AGAP1: variants seen among roughly 807,000 people sequenced by gnomAD.
AGAP1 encodes ArfGAP with GTPase domain, ankyrin repeat and PH domain 1, also known as arf-GAP with GTPase, ANK repeat and PH domain-containing protein 1.
In AGAP1, 29 loss-of-function variants were observed where a neutral mutation model predicts 105.3. That is an observed-to-expected ratio of 0.28 (90% CI 0.21 to 0.38). The LOEUF (loss-of-function observed/expected upper bound fraction) is 0.38. AGAP1 is among the 10% of genes least tolerant of loss of function. The pLI, the probability that AGAP1 is intolerant of heterozygous loss-of-function variation, is 1.00. For missense variants in AGAP1, 998 were observed against 1,165.1 expected (o/e 0.86, Z 2.09); for synonymous variants, 509 against 485.9 (o/e 1.05, Z -0.63).
At chr2:236,066,478 G>A (rs1480810359) in intron 16 of AGAP1, among the ~76,000 whole-genome samples, 3 of 152,088 alleles carry the variant, frequency 2.0e-5, no homozygotes, top group Admixed American at 1.3e-4. Flanking sequence ...CACCCGCGTC[G>A]GCCTCCCAAA....
intron 4 of AGAP1, among the ~76,000 whole-genome samples, chr2:235,742,947 A>G (rs1305449383): frequency 6.6e-6 from 1 of 152,200 alleles, no homozygotes; most frequent in Admixed American, 6.5e-5. Flanking sequence ...CAGGCAGATC[A>G]CCTGAGGTCG....
intron 11 of AGAP1, among the ~76,000 whole-genome samples, chr2:235,918,861 T>G (rs1240266560): frequency 6.6e-6 from 1 of 152,108 alleles, no homozygotes; most frequent in African/African-American, 2.4e-5. Context: ...TAGCTTCAAT[T>G]ATTTGAACTC....
At position 235,877,185 on chromosome 2, in the gene AGAP1, C is replaced by G. The variant is rs967737461; in HGVS notation, c.1051-6160C>G. Among the ~76,000 whole-genome samples, 7 of 152,116 alleles carry G rather than the reference C, an allele frequency of 4.6e-5. No individual in the cohort carries two copies. Among genetic ancestry groups the G allele is most frequent in the African/African-American group, 1.7e-4 (7 of 41,428 alleles). On this transcript the variant is annotated intron_variant, in intron 9 of 17. Transcript: ENST00000304032. The surrounding 1 kb of genome is among the most constrained non-coding windows in gnomAD (Gnocchi z 4.3). Reference sequence around the variant, plus strand: ...AACAAAAATCTCATGAATCCTTCAACATTGATTTAACTGTTTTGATAATAA... The same window carrying G: ...AACAAAAATCTCATGAATCCTTCAAGATTGATTTAACTGTTTTGATAATAA...
At chr2:235,671,097 G>A (rs1948393607) in intron 1 of AGAP1, 2 of 1,254,308 alleles carry the variant, frequency 1.6e-6, no homozygotes, top group Non-Finnish European at 1.0e-6. Context: ...GGGAAGGGGC[G>A]TGGTGGGGAC....
At chr2:235,966,148 GA>G (rs1317526688) in intron 12 of AGAP1, among the ~76,000 whole-genome samples, 3 of 148,062 alleles carry the variant, frequency 2.0e-5, no homozygotes, top group Non-Finnish European at 4.5e-5. Flanking sequence ...GGATGGAGGA[GA>G]GGGGAGCTCG....
intron 1 of AGAP1, among the ~76,000 whole-genome samples, chr2:235,518,366 A>G (rs1378572043): frequency 6.6e-6 from 1 of 152,220 alleles, no homozygotes; most frequent in East Asian, 1.9e-4. Flanking sequence ...AAGGTTTTTC[A>G]TAAAGAATAT....
chr2:235,941,410 T>C (rs2053252329), intron 12 of AGAP1, among the ~76,000 whole-genome samples: 1 of 152,094 alleles, frequency 6.6e-6, no homozygotes, highest in South Asian at 2.1e-4. Context: ...GCCCTGGGAG[T>C]GGAGCAGGAA....
chr2:235,747,444 G>A lies in AGAP1; in HGVS notation c.538+2605G>A, dbSNP rs934600476. ...AGGTAAGTCAGCCCCACACCCTCCC[G>A]GGGTGAACAGGTAAGCTGGCCCCAC... On this transcript the variant is annotated intron_variant, in intron 5 of 17. Transcript: ENST00000304032. The surrounding 1 kb of genome is among the most constrained non-coding windows in gnomAD (Gnocchi z 5.0). Among the ~76,000 whole-genome samples the A allele has an allele frequency of 4.6e-5, 7 of 152,062 alleles. No individual in the cohort carries two copies. The highest frequency in any genetic ancestry group is 1.4e-4 in the African/African-American group (6 of 41,406).
chr2:236,033,827 A>C (rs2057298224), intron 13 of AGAP1, among the ~76,000 whole-genome samples: 1 of 152,258 alleles, frequency 6.6e-6, no homozygotes, highest in Admixed American at 6.5e-5. Flanking sequence ...ACATTTGAGC[A>C]GGAAAGCTTT....
intron 6 of AGAP1, among the ~76,000 whole-genome samples, chr2:235,766,026 T>C (rs576587365): frequency 3.3e-5 from 5 of 152,220 alleles, no homozygotes; most frequent in Non-Finnish European, 7.3e-5. Context: ...AGGCAGGTGC[T>C]AGAAATTAGG....
At position 235,882,360 on chromosome 2, in the gene AGAP1, T is replaced by C; in HGVS notation, c.1051-985T>C. On this transcript the variant is annotated intron_variant, in intron 9 of 17. Coordinates refer to ENST00000304032, the MANE Select transcript of AGAP1 (RefSeq NM_001037131.3). This position sits in a 1 kb window ranked among gnomAD's most constrained non-coding sequence, Gnocchi z 4.6. ...GACGAGGGCAGGAAATCCTCCGGGC[T>C]CTTAGGAAATTTCACTCCGCTTCTG... The C allele has an allele frequency of 7.2e-7, 1 of 1,383,952 alleles. No homozygotes were observed. The highest frequency in any genetic ancestry group is 1.0e-6 in the Non-Finnish European group (1 of 991,482). The allele number at this position is 1,383,952 out of a possible 1,614,324, so 85.7% of individuals were successfully genotyped here. A position where few individuals can be genotyped will look rare whatever the true frequency, so the allele number is the denominator to read the frequency against.
chr2:235,748,517 T>C (rs879637574), intron 5 of AGAP1, among the ~76,000 whole-genome samples: 7 of 152,210 alleles, frequency 4.6e-5, no homozygotes, highest in Admixed American at 1.3e-4. Flanking sequence ...CCTTTGACCG[T>C]ATCCCTGGAA....
intron 1 of AGAP1, among the ~76,000 whole-genome samples, chr2:235,530,773 C>G (rs80241757): frequency 6.6e-6 from 1 of 152,222 alleles, no homozygotes; most frequent in Non-Finnish European, 1.5e-5. Context: ...GACTTAATCA[C>G]AGCGACAGTG....
At position 235,737,730 on chromosome 2, in the gene AGAP1, G is replaced by T. The variant is rs115917601; in HGVS notation, c.311-3233G>T. ...CATTCCACGAGAGCTGGGTGGTGAC[G>T]CTCCCCAAGTTCCCACTCCTGGAGA... On this transcript the variant is annotated intron_variant, in intron 3 of 17. Transcript: ENST00000304032. This position sits in a 1 kb window ranked among gnomAD's most constrained non-coding sequence, Gnocchi z 4.5. 6.6e-6 allele frequency among the ~76,000 whole-genome samples: 1 copy of T among 152,052 alleles called. No individual in the cohort carries two copies. Among genetic ancestry groups the T allele is most frequent in the African/African-American group, 2.4e-5 (1 of 41,388 alleles).
intron 12 of AGAP1, among the ~76,000 whole-genome samples, chr2:235,943,423 C>T (rs1428523741): frequency 7.0e-6 from 1 of 143,732 alleles, no homozygotes; most frequent in East Asian, 2.0e-4. Context: ...AGTGCAGTGG[C>T]ACGATCTTGG....
chr2:235,581,134 CAAAAAAAAAA>C (rs60330965), intron 1 of AGAP1, among the ~76,000 whole-genome samples: 3 of 88,282 alleles, frequency 3.4e-5, no homozygotes, highest in Non-Finnish European at 4.6e-5. Context: ...CCATCTCAAG[CAAAAAAAAAA>C]AAAAAAAAAA....
chr2:235,591,085 G>A (rs1028614982), intron 1 of AGAP1, among the ~76,000 whole-genome samples: 5 of 151,946 alleles, frequency 3.3e-5, no homozygotes, highest in South Asian at 2.1e-4. Flanking sequence ...GGGCGATCTC[G>A]GTTCACTGCA....
chr2:235,840,678 G>A (rs1960719086), intron 9 of AGAP1, among the ~76,000 whole-genome samples: 1 of 152,168 alleles, frequency 6.6e-6, no homozygotes. Flanking sequence ...GAATGGAAAG[G>A]AGAAGACATA....
At position 235,612,567 on chromosome 2, in the gene AGAP1, G is replaced by A. The variant is rs189404210; in HGVS notation, c.164-96612G>A. On this transcript the variant is annotated intron_variant, in intron 1 of 17. Coordinates refer to ENST00000304032, the MANE Select transcript of AGAP1 (RefSeq NM_001037131.3). The surrounding 1 kb of genome is among the most constrained non-coding windows in gnomAD (Gnocchi z 4.3). ...TATTCAGGTGCTAAGGGAAAAGAAC[G>A]TGACTGTGTGGGGGTCTCCCTGACT... is the stretch of plus-strand genomic sequence containing the variant. 1.5e-3 allele frequency among the ~76,000 whole-genome samples: 235 copies of A among 152,312 alleles called. No individual in the cohort carries two copies. The highest frequency in any genetic ancestry group is 6.8e-3 in the Middle Eastern group (2 of 294).
Sources: gnomAD v4.1 joint callset for allele counts (sites outside exome capture counted in the v4.1 genomes callset) on GRCh38, gnomAD v4.1.1 for gene constraint, Gnocchi (gnomAD v3.1) non-coding constraint, MANE v1.5 for transcripts, NCBI Gene and HGNC (gene_info 2026-07-23, HGNC 2026-07-21) for gene names.